DOCK5: variants seen among roughly 807,000 people sequenced by gnomAD.
DOCK5 encodes the protein dedicator of cytokinesis 5.
Under a neutral mutation model 251.8 loss-of-function variants are expected in DOCK5, and 142 were observed. That is an observed-to-expected ratio of 0.56 (90% CI 0.49 to 0.65). DOCK5 has a LOEUF of 0.65. DOCK5 is among the 30% of genes least tolerant of loss of function. The probability of loss-of-function intolerance (pLI) is 0.00; values close to 1 mark genes in which losing one functional copy is unlikely to be tolerated. For synonymous variants in DOCK5, 842 were observed against 835.5 expected (o/e 1.01, Z -0.13); for missense variants, 2,111 against 2,312.3 (o/e 0.91, Z 1.79).
intron 5 of DOCK5, among the ~76,000 whole-genome samples, chr8:25,286,837 A>AT (rs1255761430): frequency 1.3e-5 from 2 of 151,874 alleles, no homozygotes; most frequent in East Asian, 1.9e-4. Context: ...CTAATTTTTT[A>AT]TTTTTTGTAG....
rs755545013 is a variant in DOCK5 at position 25,395,678 on chromosome 8, G to A, written c.4663G>A (p.Val1555Met). 2.5e-5 allele frequency: 40 copies of A among 1,613,622 alleles called. No individual in the cohort carries two copies. The highest frequency in any genetic ancestry group is 3.3e-5 in the South Asian group (3 of 91,056). ...TCTCTCCATGCTGCTCAGTGGCATC[G>A]TGGACCCGGCCGTCATGGGGGGCTT... ...HPLSMLLSGI[V>M]DPAVMGGFSN... Residue 1555 changes from valine to methionine, a missense_variant, in exon 45 of 52, where the codon GTG (valine) becomes ATG (methionine). Physicochemically the swap from Val to Met is conservative, Grantham distance 21. Transcript: ENST00000276440.
chr8:25,226,647 G>A (rs549211454), intron 1 of DOCK5, among the ~76,000 whole-genome samples: 2 of 149,952 alleles, frequency 1.3e-5, no homozygotes, highest in African/African-American at 2.5e-5. Context: ...GTGCAGTGGC[G>A]TGATCTCAGC....
chr8:25,260,561 C>A, intron 2 of DOCK5, among the ~76,000 whole-genome samples: 1 of 152,162 alleles, frequency 6.6e-6, no homozygotes, highest in East Asian at 1.9e-4. Flanking sequence ...TCTGAGTCTT[C>A]AGCATATTCA....
Position 25,300,015 on chromosome 8 carries a change from C to T in DOCK5, c.765-561C>T, listed in dbSNP as rs192486426. Among the ~76,000 whole-genome samples, 279 of 152,274 alleles carry T rather than the reference C, an allele frequency of 1.8e-3. 4 individuals carry two copies. Among genetic ancestry groups the T allele is most frequent in the African/African-American group, 6.4e-3 (268 of 41,570 alleles). ...CCGCATCCTGGGTCCAAGCGATTCT[C>T]CTGCCTCAGCCTCCCAAGTAGCTGG... On this transcript the variant is annotated intron_variant, in intron 8 of 51. Transcript: ENST00000276440.
rs141305711 is a variant in DOCK5, at chr8:25,336,265, A to C, written c.2219A>C (p.Tyr740Ser). 6.2e-7 allele frequency: 1 copy of C among 1,613,588 alleles called. No individual in the cohort carries two copies. Among genetic ancestry groups the C allele is most frequent in the Non-Finnish European group, 8.5e-7 (1 of 1,179,708 alleles). The change falls in exon 22 of 52, where the codon TAT (tyrosine) becomes TCT (serine). Residue 740 changes from tyrosine to serine, a missense_variant. Tyr to Ser is a moderately radical substitution (Grantham distance 144). Transcript: ENST00000276440. ...YVKLSKVLNFYVANADDSSKT... is the reference protein window; with the variant it reads ...YVKLSKVLNFSVANADDSSKT... ...AAACTCTCCAAGGTACTGAACTTCT[A>C]TGTGGCTAATGCAGATGACTCCAGC... is the stretch of plus-strand genomic sequence containing the variant.
rs760604602 is a variant in DOCK5 at position 25,351,810 on chromosome 8, G to A, written c.2834G>A (p.Arg945Gln). The A allele has an allele frequency of 8.7e-6, 14 of 1,613,584 alleles. No homozygotes were observed. The highest frequency in any genetic ancestry group is 2.2e-5 in the South Asian group (2 of 91,010). ...AACCGGACAGTGATTGGGATGAACCGGCAGTCTCCCCACATCGTGAGTATC... is the reference window on the plus strand; with the variant it reads ...AACCGGACAGTGATTGGGATGAACCAGCAGTCTCCCCACATCGTGAGTATC... ...RINRTVIGMN[R>Q]QSPHIGSFVA... Residue 945 changes from arginine to glutamine, a missense_variant, in exon 27 of 52, where the codon CGG (arginine) becomes CAG (glutamine). Transcript: ENST00000276440.
intron 47 of DOCK5, among the ~76,000 whole-genome samples, chr8:25,403,300 G>A (rs1301153134): frequency 6.6e-6 from 1 of 151,890 alleles, no homozygotes; most frequent in Non-Finnish European, 1.5e-5. Context: ...CATTTAGGTA[G>A]CAGAAAATTA....
chr8:25,252,505 A>G lies in DOCK5; in HGVS notation c.127+8748A>G, dbSNP rs547835120. Among the ~76,000 whole-genome samples, 4 of 152,368 alleles carry G rather than the reference A, an allele frequency of 2.6e-5. No homozygotes were observed. The East Asian group carries it at 7.7e-4, about 29-fold the overall frequency. On this transcript the variant is annotated intron_variant, in intron 2 of 51. Coordinates refer to ENST00000276440, the MANE Select transcript of DOCK5 (RefSeq NM_024940.8). ...CAGTGAGCCTAACAGCTTGGATTTTATGACGCTGCGTGCAAATATTTTGGC... is the reference window on the plus strand; with the variant it reads ...CAGTGAGCCTAACAGCTTGGATTTTGTGACGCTGCGTGCAAATATTTTGGC...
chr8:25,279,525 G>A (rs1196806996), intron 5 of DOCK5, among the ~76,000 whole-genome samples: 1 of 151,138 alleles, frequency 6.6e-6, no homozygotes, highest in Non-Finnish European at 1.5e-5. Context: ...GGACTGCAGT[G>A]GCGCTGTCCC....
chr8:25,361,640 A>G (rs1800682789), intron 28 of DOCK5, among the ~76,000 whole-genome samples: 1 of 152,148 alleles, frequency 6.6e-6, no homozygotes, highest in Non-Finnish European at 1.5e-5. Flanking sequence ...TAAGTAAATA[A>G]AATATATGAT....
At chr8:25,283,286 T>C (rs1019425630) in intron 5 of DOCK5, among the ~76,000 whole-genome samples, 6 of 152,162 alleles carry the variant, frequency 3.9e-5, no homozygotes, top group Non-Finnish European at 8.8e-5. Context: ...GTTGGCCTTA[T>C]GCTCAGGAGA....
chr8:25,410,086 C>G lies in DOCK5; in HGVS notation c.5405-13C>G. 5 of 1,609,312 alleles carry G rather than the reference C, an allele frequency of 3.1e-6. No individual in the cohort carries two copies. The highest frequency in any genetic ancestry group is 1.7e-6 in the Non-Finnish European group (2 of 1,177,004). On this transcript the variant is annotated splice_polypyrimidine_tract_variant and intron_variant, in intron 50 of 51. Transcript: ENST00000276440. ...TGCCTCTCTCTGCCGCCTGCACTTT[C>G]TGTCATTTCTAGGCTCCCCATCGTT...
At chr8:25,325,578 A>C (rs1178206058) in intron 18 of DOCK5, 31 bp downstream of exon 18, 4 of 1,606,522 alleles carry the variant, frequency 2.5e-6, no homozygotes, top group Middle Eastern at 1.7e-4. Flanking sequence ...GACACAAATA[A>C]GCTTCTTGCT....
At chr8:25,227,649 TGTTCA>T (rs1304974801) in intron 1 of DOCK5, among the ~76,000 whole-genome samples, 2 of 152,208 alleles carry the variant, frequency 1.3e-5, no homozygotes, top group Non-Finnish European at 1.5e-5. Flanking sequence ...TTAAACCATT[TGTTCA>T]GTTATTTAAA....
In DOCK5 at chr8:25,299,112, C is replaced by A; in HGVS notation, c.764+11C>A. On this transcript the variant is annotated intron_variant, in intron 8 of 51. Transcript: ENST00000276440. ...GTCCACTTTTATCAGGTAGCAGAGA[C>A]CCACATCCCCTGCTGCTGACCTAAC... 1 of 1,611,784 alleles carries A rather than the reference C, an allele frequency of 6.2e-7. No homozygotes were observed. Among genetic ancestry groups the A allele is most frequent in the Non-Finnish European group, 8.5e-7 (1 of 1,178,878 alleles).
chr8:25,348,632 G>T (rs1278717940), intron 26 of DOCK5, among the ~76,000 whole-genome samples: 3 of 152,156 alleles, frequency 2.0e-5, no homozygotes, highest in African/African-American at 7.2e-5. Context: ...GAGATCAGGA[G>T]TTCGAGACCA....
At chr8:25,400,783 A>G in intron 46 of DOCK5, 146 bp from the exon 47 acceptor site, 1 of 819,366 alleles carries the variant, frequency 1.2e-6, no homozygotes, top group Non-Finnish European at 1.9e-6. Context: ...CCAGTCCACA[A>G]GTCCTACACT....
At chr8:25,359,700 G>T (rs1800642225) in intron 28 of DOCK5, among the ~76,000 whole-genome samples, 1 of 152,226 alleles carries the variant, frequency 6.6e-6, no homozygotes. Context: ...ATGATCTGAG[G>T]TGGAACAGTT....
At chr8:25,264,592 G>A (rs956524254) in intron 2 of DOCK5, among the ~76,000 whole-genome samples, 1 of 151,726 alleles carries the variant, frequency 6.6e-6, no homozygotes, top group African/African-American at 2.4e-5. Context: ...TTGGGAGGCC[G>A]AGGCTGGTGG....
Sources: gnomAD v4.1 joint callset for allele counts (sites outside exome capture counted in the v4.1 genomes callset) on GRCh38, gnomAD v4.1.1 for gene constraint, MANE v1.5 for transcripts, NCBI Gene and HGNC (gene_info 2026-07-23, HGNC 2026-07-21) for gene names.